Variants in IQCM observed in about 807,000 individuals in gnomAD.
The protein encoded by IQCM is IQ domain-containing protein M.
Under a neutral mutation model 57.6 loss-of-function variants are expected in IQCM, and 45 were observed. The ratio of observed to expected loss-of-function variants is 0.78; its 90% confidence interval spans 0.62 to 1.00. The LOEUF is 1.00. Ranked by LOEUF, IQCM falls within the 50% of genes least tolerant of loss-of-function variation. IQCM has a pLI of 0.00. For missense variants in IQCM, 468 were observed against 511.6 expected, an observed-to-expected ratio of 0.91 and a Z score of 0.82; for synonymous variants, 148 against 158.9, an observed-to-expected ratio of 0.93 and a Z score of 0.51.
intron 5 of IQCM, among the ~76,000 whole-genome samples, chr4:149,702,300 TCA>T (rs3085128): frequency 0.054 from 7,897 of 145,616 alleles, 368 homozygotes; most frequent in African/African-American, 0.095. Context: ...CTCCCTCACT[TCA>T]CACACACACA....
At chr4:149,529,751 G>C (rs1253852885) in intron 12 of IQCM, among the ~76,000 whole-genome samples, 2 of 152,094 alleles carry the variant, frequency 1.3e-5, no homozygotes, top group East Asian at 3.9e-4. Flanking sequence ...CTCTCTTACA[G>C]GTCCAGTGGC....
chr4:149,801,076 C>A (rs543921302), intron 2 of IQCM, among the ~76,000 whole-genome samples: 1 of 151,740 alleles, frequency 6.6e-6, no homozygotes, highest in Non-Finnish European at 1.5e-5. Context: ...AGTTTTTGGG[C>A]AAAATGAATA....
At chr4:149,601,093 C>T (rs556785383) in intron 8 of IQCM, among the ~76,000 whole-genome samples, 23 of 152,254 alleles carry the variant, frequency 1.5e-4, no homozygotes, top group African/African-American at 5.5e-4. Context: ...ATAAAAAGCT[C>T]ACTTAATGTG....
At chr4:149,510,179 TG>T (rs1173387937) in intron 12 of IQCM, among the ~76,000 whole-genome samples, 25 of 152,158 alleles carry the variant, frequency 1.6e-4, no homozygotes, top group African/African-American at 5.8e-4. Flanking sequence ...AACAATTTAC[TG>T]GGTTAAAAAG....
chr4:149,565,796 TG>T (rs1750570068), intron 9 of IQCM, among the ~76,000 whole-genome samples: 1 of 152,034 alleles, frequency 6.6e-6, no homozygotes, highest in Admixed American at 6.6e-5. Context: ...TGTGTGTAAA[TG>T]AAAAAAAAGT....
At chr4:149,675,888 G>A (rs1174894559) in intron 7 of IQCM, among the ~76,000 whole-genome samples, 1 of 151,934 alleles carries the variant, frequency 6.6e-6, no homozygotes, top group Non-Finnish European at 1.5e-5. Flanking sequence ...CTCTTTGAGG[G>A]CCATTTCATT....
At chr4:149,739,830 T>C (rs2149903450) in intron 3 of IQCM, among the ~76,000 whole-genome samples, 1 of 152,252 alleles carries the variant, frequency 6.6e-6, no homozygotes, top group African/African-American at 2.4e-5. Context: ...ACATTTATCT[T>C]TTAAAAAAAA....
intron 12 of IQCM, among the ~76,000 whole-genome samples, chr4:149,495,955 A>T (rs997643905): frequency 1.3e-5 from 2 of 152,146 alleles, no homozygotes; most frequent in Non-Finnish European, 2.9e-5. Flanking sequence ...ATCTCTGAGT[A>T]TTGTGTGTTT....
intron 7 of IQCM, among the ~76,000 whole-genome samples, chr4:149,629,044 G>A (rs922681950): frequency 6.6e-6 from 1 of 152,160 alleles, no homozygotes; most frequent in African/African-American, 2.4e-5. Context: ...ACTGAGGCAT[G>A]AATCAATAAA....
rs78692974 is a variant in IQCM, at chr4:149,733,737, A to G, written c.121-229T>C. Among the ~76,000 whole-genome samples, 1,336 of 152,304 alleles carry G rather than the reference A, an allele frequency of 8.8e-3. 19 individuals carry two copies. Among genetic ancestry groups the G allele is most frequent in the African/African-American group, 0.029 (1,214 of 41,572 alleles). On this transcript the variant is annotated intron_variant, in intron 4 of 13. Coordinates refer to ENST00000636793, the MANE Select transcript of IQCM (RefSeq NM_001363507.2). ...TCTCTAAAAGTCCTTCACAAGCATA[A>G]GGATTATATTCCCCTTTGAAAGAAA... is the stretch of plus-strand genomic sequence containing the variant.
At chr4:149,764,170 G>A (rs982815085) in intron 2 of IQCM, among the ~76,000 whole-genome samples, 6 of 152,188 alleles carry the variant, frequency 3.9e-5, no homozygotes, top group African/African-American at 7.2e-5. Flanking sequence ...AATCAGATTC[G>A]AGGTCCGTCT....
intron 12 of IQCM, among the ~76,000 whole-genome samples, chr4:149,515,377 T>C (rs902233711): frequency 2.0e-5 from 3 of 152,098 alleles, no homozygotes; most frequent in African/African-American, 4.8e-5. Flanking sequence ...AAGTTGTATA[T>C]ATGTGACTGG....
intron 9 of IQCM, among the ~76,000 whole-genome samples, chr4:149,584,562 C>T (rs1184292113): frequency 6.6e-6 from 1 of 151,592 alleles, no homozygotes; most frequent in South Asian, 2.1e-4. Flanking sequence ...GTCTTTTCAA[C>T]CCAGTAAATT....
At chr4:149,769,820 AC>A (rs1770404695) in intron 2 of IQCM, among the ~76,000 whole-genome samples, 1 of 152,052 alleles carries the variant, frequency 6.6e-6, no homozygotes, top group Non-Finnish European at 1.5e-5. Flanking sequence ...AAAGAGAAAT[AC>A]GCAAATCTAC....
At chr4:149,469,591 G>A (rs963337861) in intron 12 of IQCM, among the ~76,000 whole-genome samples, 1 of 152,138 alleles carries the variant, frequency 6.6e-6, no homozygotes, top group African/African-American at 2.4e-5. Context: ...TAGTGAGGCA[G>A]GCCAACATTC....
chr4:149,462,864 G>A (rs1409419493), intron 12 of IQCM, among the ~76,000 whole-genome samples: 4 of 152,194 alleles, frequency 2.6e-5, no homozygotes, highest in South Asian at 4.1e-4. Flanking sequence ...GTCTCTGCAG[G>A]AGAACATACA....
At chr4:149,596,822 C>A (rs564310899) in intron 8 of IQCM, among the ~76,000 whole-genome samples, 1 of 152,204 alleles carries the variant, frequency 6.6e-6, no homozygotes, top group South Asian at 2.1e-4. Context: ...CTTAGTAGTG[C>A]CCTAAAGCAC....
At chr4:149,465,042 C>A (rs1019012808) in intron 12 of IQCM, among the ~76,000 whole-genome samples, 1 of 152,096 alleles carries the variant, frequency 6.6e-6, no homozygotes, top group African/African-American at 2.4e-5. Context: ...ATTTTATTTT[C>A]ATTGTATGAC....
At chr4:149,593,227 G>C (rs1023501972) in intron 8 of IQCM, among the ~76,000 whole-genome samples, 9 of 152,092 alleles carry the variant, frequency 5.9e-5, no homozygotes, top group African/African-American at 2.2e-4. Flanking sequence ...AATTGTGAAT[G>C]GGAGTTCACT....
Sources: allele counts gnomAD v4.1 joint callset (sites outside exome capture counted in the v4.1 genomes callset), GRCh38; gene constraint gnomAD v4.1.1; transcripts MANE v1.5; gene names NCBI Gene and HGNC (gene_info 2026-07-23, HGNC 2026-07-21).